The following ADAMTS12 variants were observed in gnomAD, a reference collection of about 807,000 sequenced individuals.
The protein encoded by ADAMTS12 is ADAM metallopeptidase with thrombospondin type 1 motif 12, also known as A disintegrin and metalloproteinase with thrombospondin motifs 12.
In ADAMTS12, 118 loss-of-function variants were observed where a neutral mutation model predicts 167.8. The ratio of observed to expected loss-of-function variants is 0.70; its 90% confidence interval spans 0.61 to 0.82. ADAMTS12 has a LOEUF of 0.82. Among genes scored for constraint, ADAMTS12 ranks in the 40% least tolerant of loss-of-function variants. The probability of loss-of-function intolerance (pLI) is 0.00; values close to 1 mark genes in which losing one functional copy is unlikely to be tolerated. For synonymous variants in ADAMTS12, 704 were observed against 716.9 expected, an observed-to-expected ratio of 0.98 and a Z score of 0.29; for missense variants, 1,916 against 1,998.8, an observed-to-expected ratio of 0.96 and a Z score of 0.79.
chr5:33,576,523 T>A lies in ADAMTS12; in HGVS notation c.3503A>T (p.Asp1168Val). Residue 1168 changes from aspartate to valine, a missense_variant, in exon 19 of 24, where the codon GAC becomes GTC. Asp to Val is a radical substitution (Grantham distance 152, BLOSUM62 -3). Transcript: ENST00000504830. ...TATTACAGGATTGCTTTCATCTTTG[T>A]CCTCAGGCTGTTCTCTTTCTTCCCC... ...GSGEEREQPE[D>V]KDESNPVIWT... 11 of 1,612,932 alleles carry A rather than the reference T, an allele frequency of 6.8e-6. No homozygotes were observed. Among genetic ancestry groups the A allele is most frequent in the Non-Finnish European group, 9.3e-6 (11 of 1,179,496 alleles).
intron 2 of ADAMTS12, among the ~76,000 whole-genome samples, chr5:33,796,226 A>T (rs1407796107): frequency 1.3e-5 from 2 of 152,234 alleles, no homozygotes; most frequent in Non-Finnish European, 2.9e-5. Context: ...ATCCACCAAC[A>T]ATCACAGAGT....
At chr5:33,773,952 A>G (rs1745828854) in intron 2 of ADAMTS12, among the ~76,000 whole-genome samples, 1 of 152,154 alleles carries the variant, frequency 6.6e-6, no homozygotes, top group Non-Finnish European at 1.5e-5. Flanking sequence ...GTACGTACAC[A>G]CACTGCCATC....
chr5:33,762,167 G>A (rs1053500246), intron 2 of ADAMTS12, among the ~76,000 whole-genome samples: 2 of 151,590 alleles, frequency 1.3e-5, no homozygotes, highest in African/African-American at 4.9e-5. Context: ...ACTCCAGCCT[G>A]GGTGACAGAG....
At chr5:33,531,076 G>A (rs978719246) in intron 23 of ADAMTS12, among the ~76,000 whole-genome samples, 1 of 152,216 alleles carries the variant, frequency 6.6e-6, no homozygotes, top group African/African-American at 2.4e-5. Context: ...AGGAGGAAAA[G>A]CCGTGCTGAG....
At chr5:33,689,835 T>C (rs983484271) in intron 3 of ADAMTS12, among the ~76,000 whole-genome samples, 1 of 152,252 alleles carries the variant, frequency 6.6e-6, no homozygotes, top group African/African-American at 2.4e-5. Flanking sequence ...TTAAGGGTCA[T>C]GGAACCTTTC....
intron 18 of ADAMTS12, among the ~76,000 whole-genome samples, chr5:33,582,821 A>G (rs749312409): frequency 1.7e-4 from 26 of 152,208 alleles, no homozygotes; most frequent in Non-Finnish European, 3.2e-4. Context: ...AAACATTTGA[A>G]ATTATTTTTT....
chr5:33,576,994 G>A lies in ADAMTS12; in HGVS notation c.3032C>T (p.Ser1011Phe). 1 of 1,614,182 alleles carries A rather than the reference G, an allele frequency of 6.2e-7. No individual in the cohort carries two copies. The highest frequency in any genetic ancestry group is 2.2e-5 in the East Asian group (1 of 44,888). ...TAGTGTTGGTGGGTTTTTTCCATTGGAAATAGTGCCTTTGTTTGGTTTCAG... is the reference window on the plus strand; with the variant it reads ...TAGTGTTGGTGGGTTTTTTCCATTGAAAATAGTGCCTTTGTTTGGTTTCAG... ...RVLKPNKGTI[S>F]NGKNPPTLKP... is the part of the protein sequence containing the mutation. Residue 1011 changes from serine (S) to phenylalanine (F), a missense_variant, in exon 19 of 24, where the codon TCC (serine) becomes TTC (phenylalanine). Ser to Phe is a radical substitution (Grantham distance 155). Coordinates refer to ENST00000504830, the MANE Select transcript of ADAMTS12 (RefSeq NM_030955.4).
At chr5:33,853,377 G>A (rs1384560945) in intron 2 of ADAMTS12, among the ~76,000 whole-genome samples, 1 of 152,074 alleles carries the variant, frequency 6.6e-6, no homozygotes, top group Non-Finnish European at 1.5e-5. Context: ...TTATTGCTTG[G>A]CACACTCATC....
Position 33,604,556 on chromosome 5 carries a change from C to T in ADAMTS12, c.2528-8496G>A, listed in dbSNP as rs181947620. On this transcript the variant is annotated intron_variant, in intron 16 of 23. Transcript: ENST00000504830. ...AGAAAGAACAACCCCCCACCACCCC[C>T]CTACTTAGCACAATCACTCTTGAAG... Among the ~76,000 whole-genome samples the T allele has an allele frequency of 2.7e-3, 407 of 151,696 alleles. 2 individuals are homozygous for T. Among genetic ancestry groups the T allele is most frequent in the African/African-American group, 9.2e-3 (379 of 41,400 alleles).
chr5:33,587,994 C>G (rs890684256), intron 18 of ADAMTS12, among the ~76,000 whole-genome samples: 3 of 152,154 alleles, frequency 2.0e-5, no homozygotes, highest in Admixed American at 6.5e-5. Context: ...AAAATTAAAG[C>G]CTGAGAGAGC....
At chr5:33,877,473 C>G (rs1328986291) in intron 2 of ADAMTS12, among the ~76,000 whole-genome samples, 1 of 152,208 alleles carries the variant, frequency 6.6e-6, no homozygotes, top group African/African-American at 2.4e-5. Context: ...CCCACCCCCA[C>G]TGCGATACTC....
intron 15 of ADAMTS12, among the ~76,000 whole-genome samples, 188 bp downstream of exon 15, chr5:33,615,640 G>A (rs1738963372): frequency 6.6e-6 from 1 of 152,114 alleles, no homozygotes; most frequent in Non-Finnish European, 1.5e-5. Context: ...TTTTGTTATG[G>A]GGGTTTCAGC....
intron 16 of ADAMTS12, among the ~76,000 whole-genome samples, chr5:33,609,313 G>A (rs545328886): frequency 2.7e-5 from 4 of 150,398 alleles, no homozygotes; most frequent in South Asian, 2.1e-4. Flanking sequence ...TTAAGACACC[G>A]AAAGCACAAA....
intron 16 of ADAMTS12, among the ~76,000 whole-genome samples, chr5:33,602,274 C>T (rs963200951): frequency 6.6e-6 from 1 of 152,204 alleles, no homozygotes; most frequent in African/African-American, 2.4e-5. Context: ...TTAGATTAGC[C>T]ACTCTGATTA....
chr5:33,739,294 C>T (rs2112367862), intron 3 of ADAMTS12, among the ~76,000 whole-genome samples: 1 of 151,688 alleles, frequency 6.6e-6, no homozygotes, highest in South Asian at 2.1e-4. Context: ...GGCAAACACA[C>T]ACACATTCTC....
intron 2 of ADAMTS12, among the ~76,000 whole-genome samples, chr5:33,779,361 T>C (rs1746034220): frequency 6.6e-6 from 1 of 152,032 alleles, no homozygotes; most frequent in South Asian, 2.1e-4. Context: ...AATTTTTATA[T>C]TTTTAGTAGA....
chr5:33,867,911 G>C (rs1749885287), intron 2 of ADAMTS12, among the ~76,000 whole-genome samples: 1 of 152,148 alleles, frequency 6.6e-6, no homozygotes, highest in Admixed American at 6.6e-5. Context: ...AGGTGATTTG[G>C]ATCATGGGGA....
At chr5:33,673,665 G>A (rs1049104942) in intron 5 of ADAMTS12, among the ~76,000 whole-genome samples, 4 of 88,608 alleles carry the variant, frequency 4.5e-5, no homozygotes, top group African/African-American at 1.5e-4. Flanking sequence ...CAAAACAAAA[G>A]TCTGTCCATA....
chr5:33,651,997 T>A (rs1017058447), intron 7 of ADAMTS12, among the ~76,000 whole-genome samples: 6 of 152,206 alleles, frequency 3.9e-5, no homozygotes, highest in African/African-American at 1.4e-4. Flanking sequence ...AGTGTAGTAT[T>A]CCGTGGTCTA....
Sources: gnomAD v4.1 joint callset for allele counts (sites outside exome capture counted in the v4.1 genomes callset) on GRCh38, gnomAD v4.1.1 for gene constraint, MANE v1.5 for transcripts, NCBI Gene and HGNC (gene_info 2026-07-23, HGNC 2026-07-21) for gene names.